GALNT13: variants seen among roughly 807,000 people sequenced by gnomAD.
The protein encoded by GALNT13 is UDP-GalNAc:polypeptide N-acetylgalactosaminyltransferase 13.
GALNT13 carries 28 observed loss-of-function variants against 64.2 expected under a neutral mutation model. The ratio of observed to expected loss-of-function variants is 0.44; its 90% CI spans 0.32 to 0.60. The LOEUF (loss-of-function observed/expected upper bound fraction) is 0.60, where lower values mean the gene tolerates loss of function less well. Ranked by LOEUF, GALNT13 falls within the 20% of genes least tolerant of loss-of-function variation. The probability of loss-of-function intolerance (pLI) is 0.05; values close to 1 mark genes in which losing one functional copy is unlikely to be tolerated. For synonymous variants in GALNT13, 214 were observed against 224.6 expected (o/e 0.95, Z 0.42); for missense variants, 577 against 669.8 (o/e 0.86, Z 1.53).
the GALNT13 span, among the ~76,000 whole-genome samples, chr2:153,403,922 G>T: frequency 1.3e-5 from 2 of 152,200 alleles, no homozygotes; most frequent in Non-Finnish European, 2.9e-5. Flanking sequence ...GTAGACCGGA[G>T]CTGTTCCTAT....
the GALNT13 span, among the ~76,000 whole-genome samples, chr2:153,196,718 C>T: frequency 6.6e-6 from 1 of 152,092 alleles, no homozygotes; most frequent in Non-Finnish European, 1.5e-5. Context: ...CGCACTGCTC[C>T]CCCACTGGTG....
At chr2:153,253,045 G>A in the GALNT13 span, among the ~76,000 whole-genome samples, 2 of 151,670 alleles carry the variant, frequency 1.3e-5, no homozygotes, top group East Asian at 3.9e-4. Context: ...CATTGAATCT[G>A]TAAATTACCT....
At chr2:154,303,946 C>A (rs909194969) in intron 9 of GALNT13, among the ~76,000 whole-genome samples, 1 of 151,970 alleles carries the variant, frequency 6.6e-6, no homozygotes. Flanking sequence ...TTACTAGAAA[C>A]GGAGTTTCAC....
At position 154,260,087 on chromosome 2, in the gene GALNT13, T is replaced by C. The variant is rs1219079960; in HGVS notation, c.975+949T>C. Among the ~76,000 whole-genome samples, 4 of 151,990 alleles carry C rather than the reference T, an allele frequency of 2.6e-5. No individual in the cohort carries two copies. In the East Asian group the frequency reaches 7.7e-4, roughly 29 times the overall value. On this transcript the variant is annotated intron_variant, in intron 8 of 12. Transcript: ENST00000392825. ...TTTTTGTAGAGACAGGGTTTTGCCA[T>C]GTTGCCCAGGGTGGTCTCAAATTCC...
the GALNT13 span, among the ~76,000 whole-genome samples, chr2:153,610,234 G>A: frequency 6.6e-5 from 10 of 151,992 alleles, no homozygotes; most frequent in Non-Finnish European, 1.5e-4. Context: ...CTATCATATT[G>A]CACATATACG....
intron 8 of GALNT13, among the ~76,000 whole-genome samples, chr2:154,263,668 T>C (rs1690823999): frequency 6.6e-6 from 1 of 152,212 alleles, no homozygotes; most frequent in South Asian, 2.1e-4. Flanking sequence ...AAATACTTTT[T>C]ATACTTCCAC....
chr2:153,774,313 T>C, the GALNT13 span, among the ~76,000 whole-genome samples: 2 of 152,132 alleles, frequency 1.3e-5, no homozygotes, highest in Non-Finnish European at 2.9e-5. Context: ...TTCTTTTCTC[T>C]CTCTCTCCCT....
At chr2:153,256,289 A>T in the GALNT13 span, among the ~76,000 whole-genome samples, 2 of 152,004 alleles carry the variant, frequency 1.3e-5, no homozygotes, top group African/African-American at 4.8e-5. Context: ...TTCTTCACGT[A>T]GTTCTCGAGC....
At chr2:153,454,146 C>T in the GALNT13 span, among the ~76,000 whole-genome samples, 1 of 152,106 alleles carries the variant, frequency 6.6e-6, no homozygotes, top group Non-Finnish European at 1.5e-5. Context: ...AAGGGCAAGT[C>T]TTGAAACCCT....
chr2:153,838,723 C>T, the GALNT13 span, among the ~76,000 whole-genome samples: 1 of 151,672 alleles, frequency 6.6e-6, no homozygotes, highest in Non-Finnish European at 1.5e-5. Flanking sequence ...TCTTCTTGTT[C>T]AAGATTACTT....
chr2:153,972,746 A>G (rs1200669728), intron 3 of GALNT13, among the ~76,000 whole-genome samples: 2 of 152,080 alleles, frequency 1.3e-5, no homozygotes, highest in Admixed American at 1.3e-4. Context: ...CTCACCTAAC[A>G]TAGAGTTATA....
chr2:153,142,242 G>A, the GALNT13 span, among the ~76,000 whole-genome samples: 4 of 152,032 alleles, frequency 2.6e-5, no homozygotes, highest in African/African-American at 9.7e-5. Flanking sequence ...AGGGGAAGTG[G>A]CTACTTAATG....
At chr2:153,344,688 T>C in the GALNT13 span, among the ~76,000 whole-genome samples, 3 of 152,214 alleles carry the variant, frequency 2.0e-5, no homozygotes, top group Non-Finnish European at 4.4e-5. Context: ...ATCATGTGAC[T>C]ATAGATAATA....
the GALNT13 span, among the ~76,000 whole-genome samples, chr2:153,563,189 C>T: frequency 6.6e-6 from 1 of 151,876 alleles, no homozygotes; most frequent in Non-Finnish European, 1.5e-5. Context: ...AAGTTGAGCT[C>T]TCCTTATTGA....
chr2:154,424,016 A>G (rs796399095), intron 11 of GALNT13, among the ~76,000 whole-genome samples: 2 of 152,150 alleles, frequency 1.3e-5, no homozygotes, highest in Non-Finnish European at 2.9e-5. Context: ...ACTGAGAGAT[A>G]TTCTATAAAG....
chr2:153,726,192 C>T, the GALNT13 span, among the ~76,000 whole-genome samples: 1 of 152,046 alleles, frequency 6.6e-6, no homozygotes, highest in South Asian at 2.1e-4. Flanking sequence ...ATGTGGTAGA[C>T]ATCACTATAT....
At chr2:153,986,648 A>G (rs533448422) in intron 3 of GALNT13, among the ~76,000 whole-genome samples, 2 of 152,042 alleles carry the variant, frequency 1.3e-5, no homozygotes, top group South Asian at 4.1e-4. Context: ...TCATGTCACA[A>G]TAGAAGACTC....
chr2:153,677,005 T>C, the GALNT13 span, among the ~76,000 whole-genome samples: 49 of 152,050 alleles, frequency 3.2e-4, no homozygotes, highest in Non-Finnish European at 5.7e-4. Context: ...TTATTCAACA[T>C]AGCACTGGAA....
the GALNT13 span, among the ~76,000 whole-genome samples, chr2:153,578,584 A>G: frequency 6.6e-6 from 1 of 152,212 alleles, no homozygotes; most frequent in African/African-American, 2.4e-5. Flanking sequence ...GTAAGATCTA[A>G]AGGCACAAAG....
Sources: gnomAD v4.1 joint callset for allele counts (sites outside exome capture counted in the v4.1 genomes callset) on GRCh38, gnomAD v4.1.1 for gene constraint, MANE v1.5 for transcripts, NCBI Gene and HGNC (gene_info 2026-07-23, HGNC 2026-07-21) for gene names.